The following GDAP1 variants were observed in gnomAD, a reference collection of about 807,000 sequenced individuals.
GDAP1 encodes ganglioside induced differentiation associated protein 1, also known as ganglioside-induced differentiation-associated protein 1.
GDAP1 carries 34 observed loss-of-function variants against 40.1 expected under a neutral mutation model. The ratio of observed to expected loss-of-function variants is 0.85; its 90% CI spans 0.64 to 1.13. The LOEUF is 1.13. Ranked by LOEUF, GDAP1 falls within the 50% of genes most tolerant of loss-of-function variation. The pLI, the probability that GDAP1 is intolerant of heterozygous loss-of-function variation, is 0.00. For synonymous variants in GDAP1, 170 were observed against 157.4 expected, an observed-to-expected ratio of 1.08 and a Z score of -0.60; for missense variants, 374 against 433.7, an observed-to-expected ratio of 0.86 and a Z score of 1.22.
intron 2 of GDAP1, among the ~76,000 whole-genome samples, chr8:74,436,211 G>A (rs1806086368): frequency 6.6e-6 from 1 of 152,100 alleles, no homozygotes; most frequent in Non-Finnish European, 1.5e-5. Flanking sequence ...ACATGGCTCT[G>A]TCCACACAGC....
chr8:74,404,199 A>G (rs1805605635), intron 2 of GDAP1, among the ~76,000 whole-genome samples: 1 of 149,564 alleles, frequency 6.7e-6, no homozygotes, highest in Admixed American at 6.6e-5. Flanking sequence ...CATTAACTTA[A>G]AAAAAATCCT....
chr8:74,369,823 A>C (rs896823336), downstream of GDAP1, among the ~76,000 whole-genome samples: 1 of 146,842 alleles, frequency 6.8e-6, no homozygotes, highest in Non-Finnish European at 1.5e-5. Flanking sequence ...GGGAAAAAAA[A>C]GATATACACA....
Position 74,451,771 on chromosome 8 carries a change from C to T in GDAP1, c.166-36907C>T, listed in dbSNP as rs2131576925. Among the ~76,000 whole-genome samples the T allele has an allele frequency of 2.5e-5, 2 of 78,904 alleles. 1 individual carries two copies. The highest frequency in any genetic ancestry group is 5.0e-5 in the Non-Finnish European group (2 of 39,784). The allele number at this position is 78,904 out of a possible 152,430, so 51.8% of individuals were successfully genotyped here. A position where few individuals can be genotyped will look rare whatever the true frequency, so the allele number is the denominator to read the frequency against. ...GATAGATTTTTTTTTTTCTTCTGGC[C>T]TCCATTGTTCTGGATAATACAGCAG... On this transcript the variant is annotated intron_variant, in intron 2 of 2. Coordinates refer to the GDAP1 transcript ENST00000523640.
At chr8:74,466,041 C>T (rs2131582067) in intron 2 of GDAP1, among the ~76,000 whole-genome samples, 1 of 152,306 alleles carries the variant, frequency 6.6e-6, no homozygotes, top group Middle Eastern at 3.4e-3. Flanking sequence ...ACTTTGGAAT[C>T]AGATTGGATA....
intron 2 of GDAP1, among the ~76,000 whole-genome samples, chr8:74,414,005 T>C (rs1805747058): frequency 6.7e-6 from 1 of 150,154 alleles, no homozygotes; most frequent in Non-Finnish European, 1.5e-5. Context: ...AGATTCAAAC[T>C]ATCGGCTAGA....
At chr8:74,448,819 C>T (rs1331883799) in intron 2 of GDAP1, among the ~76,000 whole-genome samples, 1 of 152,012 alleles carries the variant, frequency 6.6e-6, no homozygotes, top group Non-Finnish European at 1.5e-5. Context: ...CAGATATATG[C>T]ATTACAAGTA....
At chr8:74,406,976 A>T (rs1324437131) in intron 2 of GDAP1, among the ~76,000 whole-genome samples, 1 of 149,926 alleles carries the variant, frequency 6.7e-6, no homozygotes, top group African/African-American at 2.5e-5. Context: ...TTAGGTGCTT[A>T]TTCTTAGAAT....
intron 2 of GDAP1, among the ~76,000 whole-genome samples, chr8:74,438,847 T>C (rs1374006262): frequency 2.6e-5 from 4 of 152,174 alleles, no homozygotes; most frequent in Non-Finnish European, 1.5e-5. Context: ...AGTAATGCTC[T>C]TGCCTCAGCT....
chr8:74,362,938 G>A lies in GDAP1; in HGVS notation c.580-1G>A. On this transcript the variant is annotated splice_acceptor_variant, in intron 4 of 5. Coordinates refer to ENST00000220822, the MANE Select transcript of GDAP1 (RefSeq NM_018972.4). LOFTEE classifies it high-confidence loss of function. ...GGTTTCTTTTTTTGGTGGTTAATTA[G>A]TCAAAGCTGCTTGATCATGACAATG... is the stretch of plus-strand genomic sequence containing the variant. 2 of 1,390,608 alleles carry A rather than the reference G, an allele frequency of 1.4e-6. No homozygotes were observed. Among genetic ancestry groups the A allele is most frequent in the Non-Finnish European group, 2.0e-6 (2 of 976,590 alleles). 86.1% of individuals were successfully genotyped at this position (1,390,608 alleles called of 1,614,324 possible). A position where few individuals can be genotyped will look rare whatever the true frequency, so the allele number is the denominator to read the frequency against.
At chr8:74,431,777 G>A (rs931365953) in intron 2 of GDAP1, among the ~76,000 whole-genome samples, 3 of 152,008 alleles carry the variant, frequency 2.0e-5, no homozygotes, top group Admixed American at 6.6e-5. Flanking sequence ...CACTGCACCC[G>A]GCCTCAAAAT....
At position 74,452,082 on chromosome 8, in the gene GDAP1, T is replaced by C. The variant is rs1806300105; in HGVS notation, c.166-36596T>C. ...CTCCTGCCACAGCCTCCCAAGTAGC[T>C]GGGACTACAGGCGCCCGCCACCACA... On this transcript the variant is annotated intron_variant, in intron 2 of 2. Transcript: ENST00000523640. Among the ~76,000 whole-genome samples the C allele has an allele frequency of 2.5e-5, 2 of 81,070 alleles. 1 individual carries two copies. Among genetic ancestry groups the C allele is most frequent in the African/African-American group, 1.1e-4 (2 of 18,190 alleles). 53.2% of individuals were successfully genotyped at this position (81,070 alleles called of 152,430 possible). A position where few individuals can be genotyped will look rare whatever the true frequency, so the allele number is the denominator to read the frequency against.
intron 2 of GDAP1, among the ~76,000 whole-genome samples, chr8:74,484,462 T>G (rs1806750443): frequency 6.6e-6 from 1 of 152,190 alleles, no homozygotes; most frequent in South Asian, 2.1e-4. Flanking sequence ...TAATGACAAC[T>G]AAACATCACA....
intron 2 of GDAP1, among the ~76,000 whole-genome samples, chr8:74,382,753 AT>A (rs938195960): frequency 1.2e-3 from 189 of 151,824 alleles, no homozygotes; most frequent in African/African-American, 4.4e-3. Context: ...GATTGTAACA[AT>A]TTTTTTTCTG....
chr8:74,485,396 T>C (rs192456567), intron 2 of GDAP1, among the ~76,000 whole-genome samples: 146 of 152,306 alleles, frequency 9.6e-4, no homozygotes, highest in African/African-American at 3.5e-3. Flanking sequence ...CCCTTGATTA[T>C]GTCTGATATC....
downstream of GDAP1, among the ~76,000 whole-genome samples, chr8:74,368,854 C>G (rs1223712042): frequency 6.6e-6 from 1 of 152,272 alleles, no homozygotes; most frequent in South Asian, 2.1e-4. Context: ...TGGCCTCTAC[C>G]TCCTAAATGC....
intron 2 of GDAP1, among the ~76,000 whole-genome samples, chr8:74,447,426 C>T (rs771802340): frequency 1.1e-4 from 16 of 151,946 alleles, no homozygotes; most frequent in Non-Finnish European, 8.8e-5. Context: ...GTCCTTAATC[C>T]GGAAAACTGA....
At position 74,365,251 on chromosome 8, in the gene GDAP1, A is replaced by G. The variant is rs1246803491; in HGVS notation, c.*884A>G. On this transcript the variant is annotated 3_prime_UTR_variant, in exon 6 of 6. Coordinates refer to ENST00000220822, the MANE Select transcript of GDAP1 (RefSeq NM_018972.4). ...TTTGGGGAGGCTGGTCTGTAAACACAAAAATTGTTGTCCAGATCTTTCATC... is the reference window on the plus strand; with the variant it reads ...TTTGGGGAGGCTGGTCTGTAAACACGAAAATTGTTGTCCAGATCTTTCATC... 2.2e-6 allele frequency: 1 copy of G among 453,998 alleles called. No homozygotes were observed. The highest frequency in any genetic ancestry group is 2.3e-5 in the Admixed American group (1 of 42,556). The allele number at this position is 453,998 out of a possible 1,614,324, so 28.1% of individuals were successfully genotyped here. A position where few individuals can be genotyped will look rare whatever the true frequency, so the allele number is the denominator to read the frequency against.
At chr8:74,368,723 C>G (rs551755969), downstream of GDAP1, among the ~76,000 whole-genome samples, 152 of 152,262 alleles carry the variant, frequency 1.0e-3, no homozygotes, top group Middle Eastern at 0.01. Flanking sequence ...GGAGTAAGGA[C>G]CATGGCCTGG....
chr8:74,472,296 C>T (rs369442288), intron 2 of GDAP1, among the ~76,000 whole-genome samples: 2 of 152,186 alleles, frequency 1.3e-5, no homozygotes, highest in Non-Finnish European at 2.9e-5. Flanking sequence ...CATAGTATTC[C>T]ATAGTGTACA....
Sources: gnomAD v4.1 joint callset for allele counts (sites outside exome capture counted in the v4.1 genomes callset) on GRCh38, gnomAD v4.1.1 for gene constraint, MANE v1.5 for transcripts, NCBI Gene and HGNC (gene_info 2026-07-23, HGNC 2026-07-21) for gene names.